RBMS3: variants seen among roughly 807,000 people sequenced by gnomAD.
The protein encoded by RBMS3 is RNA-binding motif, single-stranded-interacting protein 3.
A neutral mutation model predicts 66.8 loss-of-function variants in RBMS3; 27 were observed. The observed-to-expected ratio is 0.40, with a 90% CI of 0.30 to 0.56. RBMS3 has a LOEUF of 0.56. Ranked by LOEUF, RBMS3 falls within the 20% of genes least tolerant of loss-of-function variation. The pLI is 0.40. For synonymous variants in RBMS3, 188 were observed against 183.0 expected (o/e 1.03, Z -0.22); for missense variants, 513 against 549.5 (o/e 0.93, Z 0.66).
At chr3:29,401,631 G>A (rs988785530) in intron 1 of RBMS3, among the ~76,000 whole-genome samples, 3 of 152,076 alleles carry the variant, frequency 2.0e-5, no homozygotes, top group Non-Finnish European at 2.9e-5. Flanking sequence ...TCGCTTTGGT[G>A]TCATAAAGGA....
intron 10 of RBMS3, among the ~76,000 whole-genome samples, chr3:29,901,327 T>TA (rs1164467606): frequency 6.6e-6 from 1 of 151,776 alleles, no homozygotes; most frequent in Non-Finnish European, 1.5e-5. Context: ...AACCACCTTC[T>TA]AAAAAATGTG....
rs1316772851 is a variant in RBMS3 at position 29,785,599 on chromosome 3, G to A, written c.637+22610G>A. ...ACAGAATTAAAAGCAAAAATCACAT[G>A]ATCATCTCAATAGATGCAGAAAAAG... is the stretch of plus-strand genomic sequence containing the variant. On this transcript the variant is annotated intron_variant, in intron 6 of 14. Transcript: ENST00000383767. Among the ~76,000 whole-genome samples the A allele has an allele frequency of 2.0e-5, 3 of 151,944 alleles. No homozygotes were observed. The East Asian group carries it at 5.8e-4, about 29-fold the overall frequency.
Position 29,476,265 on chromosome 3 carries a change from C to A in RBMS3, c.249-12176C>A, listed in dbSNP as rs558273971. 3.9e-5 allele frequency among the ~76,000 whole-genome samples: 6 copies of A among 152,320 alleles called. 1 individual carries two copies. Among genetic ancestry groups the A allele is most frequent in the African/African-American group, 1.4e-4 (6 of 41,568 alleles). On this transcript the variant is annotated intron_variant, in intron 2 of 14. Transcript: ENST00000383767. ...ACCAATAGGCAATTAAAAGATTGTG[C>A]ATGACCCCATGAACTATTGTTTTTG...
intron 1 of RBMS3, among the ~76,000 whole-genome samples, chr3:29,432,123 G>A (rs1463878714): frequency 6.6e-6 from 1 of 152,192 alleles, no homozygotes; most frequent in Non-Finnish European, 1.5e-5. Flanking sequence ...CGCTGCATAT[G>A]AGATGGTACA....
chr3:29,685,053 CTTTGT>C (rs57632045), intron 4 of RBMS3, among the ~76,000 whole-genome samples: 84,586 of 150,484 alleles, frequency 0.56, 23,867 homozygotes, highest in Middle Eastern at 0.6. Context: ...TTTTGTTTTG[CTTTGT>C]TTTGTTTTGT....
At chr3:29,501,570 G>T (rs943834605) in intron 3 of RBMS3, among the ~76,000 whole-genome samples, 1 of 152,056 alleles carries the variant, frequency 6.6e-6, no homozygotes, top group East Asian at 1.9e-4. Context: ...TCTGTTAACC[G>T]CAGCCATTTG....
At chr3:29,782,784 G>C (rs951022896) in intron 6 of RBMS3, among the ~76,000 whole-genome samples, 1 of 152,018 alleles carries the variant, frequency 6.6e-6, no homozygotes. Context: ...TCAAAAACAC[G>C]TTACAGGATA....
chr3:30,004,359 T>G lies in RBMS3; in HGVS notation c.*497T>G, dbSNP rs1182896100. ...TTTATTTTATTTTTTCTTAGAAATA[T>G]GTAGGTAAGGTTTATCTTGAATCTT... On this transcript the variant is annotated 3_prime_UTR_variant, in exon 15 of 15. Transcript: ENST00000383767. The G allele has an allele frequency of 6.6e-6, 1 of 152,178 alleles. No individual in the cohort carries two copies. Among genetic ancestry groups the G allele is most frequent in the Non-Finnish European group, 1.5e-5 (1 of 67,836 alleles). The allele number at this position is 152,178 out of a possible 1,614,324, so 9.4% of individuals were successfully genotyped here.
intron 6 of RBMS3, among the ~76,000 whole-genome samples, chr3:29,823,496 A>G (rs796202474): frequency 6.6e-6 from 1 of 152,158 alleles, no homozygotes; most frequent in African/African-American, 2.4e-5. Context: ...ACATTCGTCC[A>G]TTACTAACAA....
chr3:29,831,618 C>G (rs150829532), intron 6 of RBMS3, among the ~76,000 whole-genome samples: 1,524 of 152,100 alleles, frequency 0.01, 25 homozygotes, highest in African/African-American at 0.033. Flanking sequence ...TCACTCGATA[C>G]TTGCTGACAT....
chr3:29,810,586 C>A (rs1280474789), intron 6 of RBMS3, among the ~76,000 whole-genome samples: 1 of 151,994 alleles, frequency 6.6e-6, no homozygotes, highest in Non-Finnish European at 1.5e-5. Context: ...AAGGAAAATG[C>A]CAAAGGATTT....
intron 2 of RBMS3, among the ~76,000 whole-genome samples, chr3:29,469,540 T>C (rs1474566546): frequency 6.6e-6 from 1 of 151,862 alleles, no homozygotes; most frequent in Non-Finnish European, 1.5e-5. Context: ...AATAACAGAA[T>C]TGCAGTCTCT....
chr3:29,372,883 A>G (rs1575645460), intron 1 of RBMS3, among the ~76,000 whole-genome samples: 1 of 107,962 alleles, frequency 9.3e-6, no homozygotes, highest in Non-Finnish European at 2.0e-5. Context: ...AGTGAGAGAG[A>G]AAAAAAAAAA....
intron 12 of RBMS3, among the ~76,000 whole-genome samples, chr3:29,969,631 A>T (rs1405422947): frequency 3.3e-5 from 5 of 152,192 alleles, no homozygotes. Flanking sequence ...CCTTTCCAGT[A>T]GCTTAAGTAA....
At position 29,532,246 on chromosome 3, in the gene RBMS3, G is replaced by GTATATA. The variant is rs1166106438; in HGVS notation, c.307+43757_307+43762dup. Among the ~76,000 whole-genome samples the GTATATA allele has an allele frequency of 9.9e-3, 878 of 88,812 alleles. 10 individuals carry two copies. The highest frequency in any genetic ancestry group is 0.041 in the African/African-American group (654 of 15,876). 58.3% of individuals were successfully genotyped at this position (88,812 alleles called of 152,430 possible). A position where few individuals can be genotyped will look rare whatever the true frequency, so the allele number is the denominator to read the frequency against. The stretch of plus-strand genomic sequence containing the variant: ...TCTTATTTTAATTTCGCATATATAT[G>GTATATA]TATATATATATATATGTATATATAT... On this transcript the variant is annotated intron_variant, in intron 3 of 14. Coordinates refer to ENST00000383767, the MANE Select transcript of RBMS3 (RefSeq NM_001003793.3).
At chr3:29,424,888 A>G (rs540092848) in intron 1 of RBMS3, among the ~76,000 whole-genome samples, 4 of 152,276 alleles carry the variant, frequency 2.6e-5, no homozygotes, top group African/African-American at 9.6e-5. Flanking sequence ...AACTGGAGGA[A>G]ACTTTGCAAG....
intron 3 of RBMS3, among the ~76,000 whole-genome samples, chr3:29,507,837 A>C (rs1389656618): frequency 2.0e-5 from 3 of 152,164 alleles, no homozygotes; most frequent in Non-Finnish European, 2.9e-5. Flanking sequence ...AGTGATTACA[A>C]GGGTTCTTGT....
At chr3:29,791,088 TTG>T (rs1290995641) in intron 6 of RBMS3, among the ~76,000 whole-genome samples, 2 of 152,228 alleles carry the variant, frequency 1.3e-5, no homozygotes. Context: ...TTAAGAAGTC[TTG>T]TAACACATCT....
chr3:29,639,593 C>CAGAGAGAGAGAGAGAGAGAGAGAGAG (rs60712857), intron 4 of RBMS3, among the ~76,000 whole-genome samples: 74 of 143,152 alleles, frequency 5.2e-4, no homozygotes, highest in African/African-American at 1.7e-3. Flanking sequence ...AGAAGATAGA[C>CAGAGAGAGAGAGAGAGAGAGAGAGAG]AGAGAGAGAG....
Sources: gnomAD v4.1 joint callset for allele counts (sites outside exome capture counted in the v4.1 genomes callset) on GRCh38, gnomAD v4.1.1 for gene constraint, MANE v1.5 for transcripts, NCBI Gene and HGNC (gene_info 2026-07-23, HGNC 2026-07-21) for gene names.